GPR158: variants seen among roughly 807,000 people sequenced by gnomAD.
GPR158 encodes G protein-coupled receptor 158.
GPR158 carries 30 observed loss-of-function variants against 78.2 expected under a neutral mutation model. The observed-to-expected ratio is 0.38, with a 90% CI of 0.29 to 0.52. The LOEUF is 0.52. GPR158 is among the 20% of genes least tolerant of loss of function. The pLI, the probability that GPR158 is intolerant of heterozygous loss-of-function variation, is 0.83. For missense variants in GPR158, 1,463 were observed against 1,523.5 expected (o/e 0.96, Z 0.66); for synonymous variants, 581 against 591.1 (o/e 0.98, Z 0.25).
intron 2 of GPR158, among the ~76,000 whole-genome samples, chr10:25,322,992 G>T (rs923894900): frequency 6.6e-6 from 1 of 151,972 alleles, no homozygotes; most frequent in East Asian, 1.9e-4. Flanking sequence ...GACTACAGAT[G>T]CCCGCCACCA....
chr10:25,317,496 CA>C (rs144476370), intron 2 of GPR158, among the ~76,000 whole-genome samples: 13,574 of 148,798 alleles, frequency 0.091, 730 homozygotes, highest in South Asian at 0.17. Context: ...TTTCTGAGTT[CA>C]AAAAAAAAAT....
At chr10:25,522,030 C>A (rs1405511602) in intron 5 of GPR158, among the ~76,000 whole-genome samples, 1 of 152,122 alleles carries the variant, frequency 6.6e-6, no homozygotes, top group Non-Finnish European at 1.5e-5. Flanking sequence ...CCACAGAGGC[C>A]AGTTTAATAA....
chr10:25,295,866 A>G (rs575455998), intron 2 of GPR158, among the ~76,000 whole-genome samples: 3 of 152,192 alleles, frequency 2.0e-5, no homozygotes, highest in East Asian at 1.9e-4. Context: ...ACAAAGCTCT[A>G]TTATTTAGAT....
At chr10:25,373,786 G>A (rs189843524) in intron 2 of GPR158, among the ~76,000 whole-genome samples, 1 of 151,846 alleles carries the variant, frequency 6.6e-6, no homozygotes, top group East Asian at 1.9e-4. Context: ...ATGTGGCCAG[G>A]GAACATACTC....
chr10:25,244,448 C>T (rs1241634583), intron 2 of GPR158: 1 of 152,164 alleles, frequency 6.6e-6, no homozygotes, highest in African/African-American at 2.4e-5. Flanking sequence ...CTCTATAGTG[C>T]TACCTATGTG....
In GPR158 at chr10:25,435,262, T is replaced by C. The variant is rs74956267; in HGVS notation, c.1335+22789T>C. Among the ~76,000 whole-genome samples the C allele has an allele frequency of 1.8e-3, 274 of 152,210 alleles. 2 individuals are homozygous for C. In the East Asian group the frequency reaches 0.029, roughly 16 times the overall value. ...AAAGACAAGTGAGTATATAAATTAA[T>C]ATAAATAATGCTAAGTGACATGAAG... On this transcript the variant is annotated intron_variant, in intron 4 of 10. Coordinates refer to ENST00000376351, the MANE Select transcript of GPR158 (RefSeq NM_020752.3).
intron 2 of GPR158, among the ~76,000 whole-genome samples, chr10:25,380,106 T>A (rs1183180410): frequency 1.3e-5 from 2 of 152,150 alleles, no homozygotes; most frequent in Non-Finnish European, 2.9e-5. Context: ...TTCACTAATA[T>A]TTATTGAGCA....
At chr10:25,432,335 A>C (rs1332711972) in intron 4 of GPR158, among the ~76,000 whole-genome samples, 1 of 152,212 alleles carries the variant, frequency 6.6e-6, no homozygotes, top group Non-Finnish European at 1.5e-5. Context: ...ACCTACTCCC[A>C]TCTATTGCTG....
intron 5 of GPR158, among the ~76,000 whole-genome samples, chr10:25,477,520 A>G (rs1835604977): frequency 6.6e-6 from 1 of 152,114 alleles, no homozygotes; most frequent in Non-Finnish European, 1.5e-5. Flanking sequence ...TTTTTAGGGC[A>G]GAATGGTAGC....
chr10:25,300,993 T>C (rs1417105105), intron 2 of GPR158, among the ~76,000 whole-genome samples: 1 of 152,202 alleles, frequency 6.6e-6, no homozygotes, highest in Non-Finnish European at 1.5e-5. Flanking sequence ...CTGAGACTAA[T>C]GTGGTGTCTT....
chr10:25,531,946 C>T (rs567432241), intron 5 of GPR158, among the ~76,000 whole-genome samples: 23 of 152,186 alleles, frequency 1.5e-4, no homozygotes, highest in Admixed American at 2.6e-4. Flanking sequence ...CCACTCTGCT[C>T]CTCTAGAAAT....
At position 25,430,928 on chromosome 10, in the gene GPR158, A is replaced by T. The variant is rs572904142; in HGVS notation, c.1335+18455A>T. ...AAAACCCTAGAAGAAAACCTAGGCA[A>T]TACCATTCAGGACATAGGCATGGGC... is the stretch of plus-strand genomic sequence containing the variant. On this transcript the variant is annotated intron_variant, in intron 4 of 10. Coordinates refer to ENST00000376351, the MANE Select transcript of GPR158 (RefSeq NM_020752.3). Among the ~76,000 whole-genome samples, 596 of 150,376 alleles carry T rather than the reference A, an allele frequency of 4.0e-3. 2 individuals carry two copies. The highest frequency in any genetic ancestry group is 0.012 in the African/African-American group (501 of 40,938).
chr10:25,599,441 C>T lies in GPR158; in HGVS notation c.*167C>T. ...AAGAGGACCAGGGGGGCAAGAGCAA[C>T]AACGTCATAATGGAGAAGTCAGACT... On this transcript the variant is annotated 3_prime_UTR_variant, in exon 11 of 11. Transcript: ENST00000376351. 1.7e-6 allele frequency: 1 copy of T among 596,516 alleles called. No individual in the cohort carries two copies. The highest frequency in any genetic ancestry group is 2.9e-6 in the Non-Finnish European group (1 of 339,936). 37.0% of individuals were successfully genotyped at this position (596,516 alleles called of 1,614,324 possible).
At chr10:25,367,358 T>C (rs1855738914) in intron 2 of GPR158, among the ~76,000 whole-genome samples, 1 of 151,780 alleles carries the variant, frequency 6.6e-6, no homozygotes, top group Non-Finnish European at 1.5e-5. Context: ...TCTTGACTTA[T>C]GTCAATACTA....
intron 5 of GPR158, among the ~76,000 whole-genome samples, chr10:25,510,327 T>C (rs74124049): frequency 0.041 from 6,205 of 152,282 alleles, 443 homozygotes; most frequent in African/African-American, 0.14. Context: ...AAGTATATAC[T>C]ATATAGCTAA....
rs967956470 is a variant in GPR158 at position 25,579,151 on chromosome 10, AT to A, written c.1753+6278del. Among the ~76,000 whole-genome samples the A allele has an allele frequency of 2.5e-3, 369 of 146,176 alleles. 2 individuals carry two copies. The highest frequency in any genetic ancestry group is 2.2e-3 in the East Asian group (11 of 5,030). ...GGTAGTACAACTGTACGACTGTCAGATTTTTTTTTTTTTTCTAAATCCTCCT... is the reference window on the plus strand; with the variant it reads ...GGTAGTACAACTGTACGACTGTCAGATTTTTTTTTTTTTCTAAATCCTCCT... On this transcript the variant is annotated intron_variant, in intron 7 of 10. Transcript: ENST00000376351.
At chr10:25,341,207 G>T (rs1226679863) in intron 2 of GPR158, among the ~76,000 whole-genome samples, 1 of 151,934 alleles carries the variant, frequency 6.6e-6, no homozygotes, top group African/African-American at 2.4e-5. Context: ...TATTCTTCAG[G>T]CAGAGGAAAA....
At chr10:25,203,393 C>T (rs1049901418) in intron 1 of GPR158, among the ~76,000 whole-genome samples, 1 of 152,132 alleles carries the variant, frequency 6.6e-6, no homozygotes, top group Non-Finnish European at 1.5e-5. Context: ...TTAGGTCTAA[C>T]ATTTAAGTCT....
At position 25,413,045 on chromosome 10, in the gene GPR158, G is replaced by T. The variant is rs146107278; in HGVS notation, c.1335+572G>T. Among the ~76,000 whole-genome samples the T allele has an allele frequency of 7.8e-3, 1,182 of 152,282 alleles. 14 individuals carry two copies. Among genetic ancestry groups the T allele is most frequent in the Non-Finnish European group, 0.013 (914 of 68,022 alleles). ...AGTAATCAAGAGTAGTACAATCCAG[G>T]AGCAGTGGCTCATGCCTGTAATCTC... On this transcript the variant is annotated intron_variant, in intron 4 of 10. Coordinates refer to ENST00000376351, the MANE Select transcript of GPR158 (RefSeq NM_020752.3).
Sources: allele counts gnomAD v4.1 joint callset (sites outside exome capture counted in the v4.1 genomes callset), GRCh38; gene constraint gnomAD v4.1.1; transcripts MANE v1.5; gene names NCBI Gene and HGNC (gene_info 2026-07-23, HGNC 2026-07-21).